Variants in NT5C2 observed in about 807,000 individuals in gnomAD.
NT5C2 encodes 5'-nucleotidase, cytosolic II, also known as cytosolic purine 5'-nucleotidase.
A neutral mutation model predicts 76.1 loss-of-function variants in NT5C2; 58 were observed. That is an observed-to-expected ratio of 0.76 (90% confidence interval 0.62 to 0.95). NT5C2 has a LOEUF of 0.95. NT5C2 is among the 40% of genes least tolerant of loss of function. The pLI is 0.00. For synonymous variants in NT5C2, 229 were observed against 237.4 expected, an observed-to-expected ratio of 0.96 and a Z score of 0.32; for missense variants, 478 against 690.3, an observed-to-expected ratio of 0.69 and a Z score of 3.45.
At chr10:103,174,484 T>C (rs544302633) in intron 3 of NT5C2, among the ~76,000 whole-genome samples, 1 of 152,262 alleles carries the variant, frequency 6.6e-6, no homozygotes, top group Non-Finnish European at 1.5e-5. Context: ...GGCAAGAGAA[T>C]TGCTTGAGCC....
intron 4 of NT5C2, among the ~76,000 whole-genome samples, chr10:103,134,429 C>T (rs1366305719): frequency 6.6e-6 from 1 of 152,244 alleles, no homozygotes; most frequent in African/African-American, 2.4e-5. Context: ...AGCCTCAAGC[C>T]TTGGCACCTT....
chr10:103,090,106 C>A (rs1325076379), intron 18 of NT5C2, 198 bp from the exon 19 acceptor site: 4 of 463,038 alleles, frequency 8.6e-6, no homozygotes, highest in Non-Finnish European at 1.5e-5. Context: ...AAAATGGTGC[C>A]CATATTGTCT....
chr10:103,105,190 C>T (rs576314767), intron 6 of NT5C2, among the ~76,000 whole-genome samples: 18 of 152,124 alleles, frequency 1.2e-4, no homozygotes, highest in East Asian at 3.9e-4. Flanking sequence ...ATTATTAGCA[C>T]ATATTCACTT....
chr10:103,139,933 T>C (rs919285289), intron 3 of NT5C2, among the ~76,000 whole-genome samples: 9 of 152,202 alleles, frequency 5.9e-5, no homozygotes, highest in Admixed American at 4.6e-4. Context: ...TTGTTTTTGT[T>C]TTTTGAGGCA....
At chr10:103,110,478 C>G (rs1201965141) in intron 4 of NT5C2, among the ~76,000 whole-genome samples, 1 of 152,048 alleles carries the variant, frequency 6.6e-6, no homozygotes, top group Non-Finnish European at 1.5e-5. Context: ...AACAAAAGCT[C>G]TTTGTGATAG....
intron 4 of NT5C2, among the ~76,000 whole-genome samples, chr10:103,129,068 G>T (rs1357918767): frequency 7.8e-6 from 1 of 128,860 alleles, no homozygotes; most frequent in Admixed American, 7.3e-5. Context: ...CCATCCGGGA[G>T]GGAGGTGGGG....
chr10:103,146,137 T>G (rs1187541196), intron 3 of NT5C2: 4 of 985,434 alleles, frequency 4.1e-6, no homozygotes, highest in Non-Finnish European at 4.8e-6. Flanking sequence ...ATAGTTTTTT[T>G]GTGACTTAAC....
At chr10:103,137,825 T>A (rs1049402553) in intron 4 of NT5C2, among the ~76,000 whole-genome samples, 2 of 152,200 alleles carry the variant, frequency 1.3e-5, no homozygotes, top group Admixed American at 6.5e-5. Context: ...GATTAATACA[T>A]TGACTCTTTC....
intron 1 of NT5C2, among the ~76,000 whole-genome samples, chr10:103,185,805 G>A (rs1204525996): frequency 4.0e-5 from 6 of 151,886 alleles, no homozygotes; most frequent in African/African-American, 1.2e-4. Flanking sequence ...AGATAAAATC[G>A]GAAAGGCATA....
At chr10:103,119,765 TA>T (rs2075275397) in intron 4 of NT5C2, among the ~76,000 whole-genome samples, 1 of 151,794 alleles carries the variant, frequency 6.6e-6, no homozygotes, top group African/African-American at 2.4e-5. Context: ...GAAGAAATGC[TA>T]AAGCACAGAC....
chr10:103,129,847 T>A (rs1298026512), intron 4 of NT5C2, among the ~76,000 whole-genome samples: 1 of 75,552 alleles, frequency 1.3e-5, no homozygotes, highest in Admixed American at 1.2e-4. Flanking sequence ...GGAGCCCCTC[T>A]GCCCGGCCAG....
intron 5 of NT5C2, 45 bp from the exon 6 acceptor site, chr10:103,105,846 G>A (rs1209705762): frequency 7.5e-7 from 1 of 1,324,914 alleles, no homozygotes; most frequent in Non-Finnish European, 1.1e-6. Flanking sequence ...AGTAATACAG[G>A]CAATAATTTT....
chr10:103,157,884 C>A (rs1179553325), intron 3 of NT5C2, among the ~76,000 whole-genome samples: 1 of 151,958 alleles, frequency 6.6e-6, no homozygotes, highest in Non-Finnish European at 1.5e-5. Flanking sequence ...ACCATCCTGG[C>A]CAACACTGGG....
intron 14 of NT5C2, 194 bp downstream of exon 14, chr10:103,093,778 G>C (rs768641883): frequency 2.0e-6 from 1 of 511,294 alleles, no homozygotes; most frequent in Non-Finnish European, 3.5e-6. Flanking sequence ...GTGAAAATCA[G>C]ATTCATTAGG....
chr10:103,089,486 CAG>C lies in NT5C2; in HGVS notation c.*184_*185del, dbSNP rs2066143793. The C allele has an allele frequency of 8.6e-6, 9 of 1,048,018 alleles. No individual in the cohort carries two copies. The East Asian group carries it at 1.4e-4, about 17-fold the overall frequency. 64.9% of individuals were successfully genotyped at this position (1,048,018 alleles called of 1,614,324 possible). On this transcript the variant is annotated 3_prime_UTR_variant, in exon 19 of 19. Transcript: ENST00000404739. The stretch of plus-strand genomic sequence containing the variant: ...CTCCATTACAATTTTGGACCATCTG[CAG>C]AGAGTACAGATACACAAAACCAAAA...
chr10:103,129,052 G>GC (rs2077336021), intron 4 of NT5C2, among the ~76,000 whole-genome samples: 1 of 121,562 alleles, frequency 8.2e-6, no homozygotes, highest in Non-Finnish European at 1.8e-5. Flanking sequence ...CGACCGGCCA[G>GC]CCGTGCCATC....
At position 103,114,387 on chromosome 10, in the gene NT5C2, T is replaced by C. The variant is rs549921062; in HGVS notation, c.176-7681A>G. 2.0e-4 allele frequency among the ~76,000 whole-genome samples: 30 copies of C among 152,168 alleles called. No homozygotes were observed. The South Asian group carries it at 2.3e-3, about 12-fold the overall frequency. On this transcript the variant is annotated intron_variant, in intron 4 of 18. Coordinates refer to ENST00000404739, the MANE Select transcript of NT5C2 (RefSeq NM_001351169.2). ...TCACGCCACTGCACTCCAGCCTGGG[T>C]GACAGAGCGAGACTCTGTCTCAAAA...
intron 12 of NT5C2, 35 bp downstream of exon 12, chr10:103,095,901 GTTA>G: frequency 6.4e-7 from 1 of 1,551,290 alleles, no homozygotes; most frequent in South Asian, 1.1e-5. Context: ...TGCATTCATT[GTTA>G]TTAAAGCAGT....
intron 3 of NT5C2, among the ~76,000 whole-genome samples, chr10:103,164,780 T>C (rs534745732): frequency 1.8e-4 from 28 of 152,358 alleles, no homozygotes; most frequent in East Asian, 1.5e-3. Flanking sequence ...ATATAAATGA[T>C]ACTTCCTCAA....
Sources: gnomAD v4.1 joint callset for allele counts (sites outside exome capture counted in the v4.1 genomes callset) on GRCh38, gnomAD v4.1.1 for gene constraint, MANE v1.5 for transcripts, NCBI Gene and HGNC (gene_info 2026-07-23, HGNC 2026-07-21) for gene names.